ZNF469: variants seen among roughly 807,000 people sequenced by gnomAD.
ZNF469 encodes the protein zinc finger protein 469.
Under a neutral mutation model 1.0 loss-of-function variants are expected in ZNF469, and 1 was observed. That is an observed-to-expected ratio of 1.00 (90% confidence interval 0.35 to 4.73). The LOEUF is 4.73. Ranked by LOEUF, ZNF469 falls within the 30% of genes most tolerant of loss-of-function variation. ZNF469 has a pLI of 0.16. For synonymous variants in ZNF469, 2,703 were observed against 2,363.4 expected, an observed-to-expected ratio of 1.14 and a Z score of -4.17; for missense variants, 6,100 against 5,356.3, an observed-to-expected ratio of 1.14 and a Z score of -4.33.
chr16:88,122,580 C>T, the ZNF469 span, among the ~76,000 whole-genome samples: 10 of 152,304 alleles, frequency 6.6e-5, no homozygotes, highest in Middle Eastern at 3.4e-3. Flanking sequence ...ACTACGGCCA[C>T]GGCAGCCACT....
At chr16:88,309,739 CG>C in the ZNF469 span, among the ~76,000 whole-genome samples, 33 of 145,250 alleles carry the variant, frequency 2.3e-4, 1 homozygote, top group East Asian at 8.5e-4. Context: ...GGACACCTGG[CG>C]GGGGGGTGCC....
chr16:88,345,460 A>C, the ZNF469 span, among the ~76,000 whole-genome samples: 1 of 152,194 alleles, frequency 6.6e-6, no homozygotes, highest in South Asian at 2.1e-4. Context: ...CTACACACGC[A>C]AACGTTGGGT....
the ZNF469 span, among the ~76,000 whole-genome samples, chr16:88,315,166 C>T: frequency 1.1e-4 from 17 of 152,338 alleles, no homozygotes; most frequent in Middle Eastern, 3.4e-3. Context: ...AGGTCTCCCC[C>T]GAGGGCCAGG....
rs1180737591 is a variant in ZNF469, at chr16:88,383,002, G to A, written c.-444G>A. On this transcript the variant is annotated 5_prime_UTR_variant, in exon 1 of 3. Coordinates refer to ENST00000565624, the MANE Select transcript of ZNF469 (RefSeq NM_001367624.2). ...CCGGCGTCCGGCCTTCCCAGCACCC[G>A]GCCCAGGGCTGGAGCTGGCTGCAGG... is the stretch of plus-strand genomic sequence containing the variant. 1.3e-5 allele frequency among the ~76,000 whole-genome samples: 2 copies of A among 151,506 alleles called. No individual in the cohort carries two copies. The highest frequency in any genetic ancestry group is 2.4e-5 in the African/African-American group (1 of 41,326).
At chr16:88,306,044 G>A in the ZNF469 span, among the ~76,000 whole-genome samples, 4 of 152,218 alleles carry the variant, frequency 2.6e-5, no homozygotes, top group Non-Finnish European at 5.9e-5. Flanking sequence ...TAGACACCTG[G>A]TCTGACTGCA....
At chr16:88,280,979 G>A in the ZNF469 span, among the ~76,000 whole-genome samples, 36 of 151,720 alleles carry the variant, frequency 2.4e-4, no homozygotes, top group African/African-American at 4.8e-4. Context: ...GTGCCACACC[G>A]ATGCTTGGTC....
intron 1 of ZNF469, among the ~76,000 whole-genome samples, chr16:88,411,602 C>T (rs754929563): frequency 2.0e-5 from 3 of 151,614 alleles, no homozygotes; most frequent in Non-Finnish European, 4.4e-5. Flanking sequence ...CCTTGGCCTG[C>T]CTCAGGGAGA....
At chr16:88,323,611 C>G in the ZNF469 span, among the ~76,000 whole-genome samples, 1 of 152,136 alleles carries the variant, frequency 6.6e-6, no homozygotes, top group Non-Finnish European at 1.5e-5. Context: ...GCCAGGCTTC[C>G]TCTTGGCAAA....
At chr16:88,393,300 A>G (rs1904540358) in intron 1 of ZNF469, among the ~76,000 whole-genome samples, 2 of 152,202 alleles carry the variant, frequency 1.3e-5, no homozygotes, top group Admixed American at 6.5e-5. Context: ...GGGTCAGCCC[A>G]GGGCCCGCGG....
chr16:88,438,600 G>T lies in ZNF469; in HGVS notation c.11130G>T (p.Glu3710Asp). The T allele has an allele frequency of 1.3e-6, 2 of 1,550,130 alleles. No homozygotes were observed. The highest frequency in any genetic ancestry group is 1.7e-6 in the Non-Finnish European group (2 of 1,146,936). ...CGGTGGGGAGCCTGGCACCCGGGGA[G>T]CTGGCCCGTGGCACAGAGAATGGGA... ...RKAVGSLAPGELARGTENGMK... is the reference protein window; with the variant it reads ...RKAVGSLAPGDLARGTENGMK... The change falls in exon 3 of 3, where the codon GAG (glutamate) becomes GAT (aspartate). Residue 3710 changes from glutamate (E) to aspartate (D), a missense_variant. Transcript: ENST00000565624.
At chr16:88,236,717 A>C in the ZNF469 span, among the ~76,000 whole-genome samples, 2 of 152,124 alleles carry the variant, frequency 1.3e-5, no homozygotes, top group African/African-American at 4.8e-5. Flanking sequence ...AAATACAAAA[A>C]TTAGCCGGGC....
the ZNF469 span, among the ~76,000 whole-genome samples, chr16:88,201,678 G>C: frequency 6.6e-6 from 1 of 152,220 alleles, no homozygotes; most frequent in East Asian, 1.9e-4. This position sits in a 1 kb window ranked among gnomAD's most constrained non-coding sequence, Gnocchi z 5.0. Context: ...TGTGGGGTGA[G>C]GCCGCACCTG....
the ZNF469 span, among the ~76,000 whole-genome samples, chr16:88,158,076 A>T: frequency 6.6e-6 from 1 of 151,718 alleles, no homozygotes; most frequent in African/African-American, 2.4e-5. Flanking sequence ...GGTGTCCGCC[A>T]CCCCCAGGGG....
chr16:88,222,587 A>G, the ZNF469 span, among the ~76,000 whole-genome samples: 3 of 152,074 alleles, frequency 2.0e-5, no homozygotes, highest in South Asian at 4.1e-4. Flanking sequence ...GAGAAACCCC[A>G]TCTCTACTAA....
the ZNF469 span, among the ~76,000 whole-genome samples, chr16:88,313,734 ATC>A: frequency 1.3e-5 from 2 of 150,544 alleles, no homozygotes; most frequent in Admixed American, 6.6e-5. Flanking sequence ...GTGGACTGTC[ATC>A]TCTGTAATTC....
the ZNF469 span, among the ~76,000 whole-genome samples, chr16:88,160,668 C>G: frequency 6.6e-6 from 1 of 152,210 alleles, no homozygotes; most frequent in Admixed American, 6.5e-5. Context: ...GTTGGGGCAC[C>G]ACTGTGCCTC....
At chr16:88,146,195 A>C in the ZNF469 span, among the ~76,000 whole-genome samples, 437 of 152,068 alleles carry the variant, frequency 2.9e-3, 2 homozygotes, top group African/African-American at 9.3e-3. Context: ...ACCACGACCC[A>C]CCCGGGCCCA....
rs966101608 is a variant in ZNF469 at position 88,434,227 on chromosome 16, C to A, written c.6757C>A (p.Pro2253Thr). 12 of 1,550,354 alleles carry A rather than the reference C, an allele frequency of 7.7e-6. No individual in the cohort carries two copies. The highest frequency in any genetic ancestry group is 1.0e-5 in the Non-Finnish European group (12 of 1,146,964). ...DTPKDSTLRI[P>T]EDSRKEKLWE... Reference sequence around the variant, plus strand: ...CCCCAAAGACAGCACTTTAAGAATTCCAGAGGATTCCAGAAAAGAGAAGCT... The same window carrying A: ...CCCCAAAGACAGCACTTTAAGAATTACAGAGGATTCCAGAAAAGAGAAGCT... The change falls in exon 3 of 3, where the codon CCA becomes ACA. Residue 2253 changes from proline to threonine, a missense_variant. Physicochemically the swap from Pro to Thr is conservative, Grantham distance 38. Transcript: ENST00000565624.
chr16:88,351,862 C>T, the ZNF469 span, among the ~76,000 whole-genome samples: 1 of 152,244 alleles, frequency 6.6e-6, no homozygotes, highest in East Asian at 1.9e-4. Context: ...GTGCCGTGCT[C>T]GCTCCAGCAT....
Sources: allele counts gnomAD v4.1 joint callset (sites outside exome capture counted in the v4.1 genomes callset), GRCh38; gene constraint gnomAD v4.1.1; non-coding constraint Gnocchi (gnomAD v3.1); transcripts MANE v1.5; gene names NCBI Gene and HGNC (gene_info 2026-07-23, HGNC 2026-07-21).